ZFAND6: variants seen among roughly 807,000 people sequenced by gnomAD.
ZFAND6 encodes the protein zinc finger AN1-type containing 6, also known as AN1-type zinc finger protein 6.
Under a neutral mutation model 24.5 loss-of-function variants are expected in ZFAND6, and 12 were observed. The ratio of observed to expected loss-of-function variants is 0.49; its 90% CI spans 0.31 to 0.79. The LOEUF (loss-of-function observed/expected upper bound fraction) is 0.79. Ranked by LOEUF, ZFAND6 falls within the 30% of genes least tolerant of loss-of-function variation. The pLI is 0.04. For missense variants in ZFAND6, 207 were observed against 245.9 expected, an observed-to-expected ratio of 0.84 and a Z score of 1.06; for synonymous variants, 92 against 81.5, an observed-to-expected ratio of 1.13 and a Z score of -0.69.
intron 1 of ZFAND6, among the ~76,000 whole-genome samples, chr15:80,090,478 A>C (rs1211886451): frequency 6.6e-6 from 1 of 152,194 alleles, no homozygotes; most frequent in Non-Finnish European, 1.5e-5. Flanking sequence ...TGTGAAGATG[A>C]AAGGAGACAA....
At chr15:80,064,936 A>G (rs981102420) in intron 1 of ZFAND6, among the ~76,000 whole-genome samples, 3 of 150,768 alleles carry the variant, frequency 2.0e-5, no homozygotes, top group East Asian at 3.9e-4. Context: ...CTGGCATGCA[A>G]ATATTTTTCC....
At chr15:80,075,927 T>G (rs2037249531) in intron 1 of ZFAND6, among the ~76,000 whole-genome samples, 1 of 152,120 alleles carries the variant, frequency 6.6e-6, no homozygotes, top group African/African-American at 2.4e-5. Context: ...CTGCTACCAA[T>G]AGATTTTTGT....
At chr15:80,063,581 G>A (rs1452567345) in intron 1 of ZFAND6, among the ~76,000 whole-genome samples, 2 of 147,602 alleles carry the variant, frequency 1.4e-5, no homozygotes, top group African/African-American at 5.0e-5. Context: ...TTTTTGAGAC[G>A]GAATCTTACT....
intron 1 of ZFAND6, among the ~76,000 whole-genome samples, chr15:80,061,539 G>C (rs1263796933): frequency 6.6e-6 from 1 of 152,120 alleles, no homozygotes; most frequent in East Asian, 1.9e-4. Flanking sequence ...TCACTTCCTT[G>C]ACTTTTTGAA....
At chr15:80,071,640 T>C (rs1005121386) in intron 1 of ZFAND6, among the ~76,000 whole-genome samples, 2 of 151,940 alleles carry the variant, frequency 1.3e-5, no homozygotes, top group African/African-American at 4.8e-5. Context: ...GTAGTAAAAA[T>C]ATTATTTAAC....
At chr15:80,070,274 A>G (rs1596187462) in intron 1 of ZFAND6, among the ~76,000 whole-genome samples, 1 of 152,182 alleles carries the variant, frequency 6.6e-6, no homozygotes, top group South Asian at 2.1e-4. Context: ...AAGATTTGGG[A>G]AACTTTCTGG....
intron 1 of ZFAND6, among the ~76,000 whole-genome samples, chr15:80,080,642 A>T (rs962926614): frequency 3.9e-5 from 6 of 152,220 alleles, no homozygotes; most frequent in African/African-American, 1.4e-4. Context: ...TTCTTGCATT[A>T]CTATACAGAA....
intron 1 of ZFAND6, among the ~76,000 whole-genome samples, chr15:80,079,524 C>T (rs999586927): frequency 1.3e-5 from 2 of 151,688 alleles, no homozygotes; most frequent in Non-Finnish European, 2.9e-5. Context: ...CCGGCCTACT[C>T]TGTTCTTTCT....
Position 80,110,769 on chromosome 15 carries a change from A to C in ZFAND6, c.-17-9559A>C, listed in dbSNP as rs557306281. Among the ~76,000 whole-genome samples the C allele has an allele frequency of 2.6e-5, 4 of 152,278 alleles. No homozygotes were observed. The East Asian group carries it at 7.7e-4, about 29-fold the overall frequency. Reference sequence around the variant, plus strand: ...CATTTTAGTAAATGGTTTGGGGTTAATTAGATATCCATATGGAGAAAAGCA... The same window carrying C: ...CATTTTAGTAAATGGTTTGGGGTTACTTAGATATCCATATGGAGAAAAGCA... On this transcript the variant is annotated intron_variant, in intron 2 of 6. Coordinates refer to ENST00000261749, the MANE Select transcript of ZFAND6 (RefSeq NM_019006.4).
chr15:80,108,135 A>G (rs762906248), intron 2 of ZFAND6, among the ~76,000 whole-genome samples: 10 of 152,230 alleles, frequency 6.6e-5, no homozygotes, highest in South Asian at 2.1e-4. Flanking sequence ...AAAGTTCTAT[A>G]TAAGTATTGC....
intron 1 of ZFAND6, among the ~76,000 whole-genome samples, chr15:80,084,674 C>A (rs901251812): frequency 6.6e-6 from 1 of 152,212 alleles, no homozygotes; most frequent in Non-Finnish European, 1.5e-5. Flanking sequence ...TTTCTTGGAG[C>A]AAGTTCCTGA....
At chr15:80,096,846 G>T (rs2038752316) in intron 1 of ZFAND6, among the ~76,000 whole-genome samples, 1 of 152,128 alleles carries the variant, frequency 6.6e-6, no homozygotes, top group Non-Finnish European at 1.5e-5. Context: ...TGTTTTAATT[G>T]AAGTGTACAT....
rs753477601 is a variant in ZFAND6, at chr15:80,122,749, T to C, written c.313T>C (p.Leu105=). 99 of 1,613,650 alleles carry C rather than the reference T, an allele frequency of 6.1e-5. No homozygotes were observed. Among genetic ancestry groups the C allele is most frequent in the Non-Finnish European group, 7.7e-5 (91 of 1,179,840 alleles). The change falls in exon 5 of 7, where the codon TTG becomes CTG. Residue 105 remains leucine (L), a synonymous_variant. Transcript: ENST00000261749. ...LLSESVASSQ[L]DSTSVDKAVP... Reference sequence around the variant, plus strand: ...ATCAGAATCTGTAGCATCTTCTCAATTGGACAGTACATCTGTGGACAAAGC... The same window carrying C: ...ATCAGAATCTGTAGCATCTTCTCAACTGGACAGTACATCTGTGGACAAAGC...
In ZFAND6 at chr15:80,091,719, A is replaced by T. The variant is rs74638490; in HGVS notation, c.-180-6697A>T. ...CAGACGCACAATCATAGCTCACTGT[A>T]ACCTCAAACTCCAGGACTGAAGCAG... On this transcript the variant is annotated intron_variant, in intron 1 of 6. Coordinates refer to ENST00000261749, the MANE Select transcript of ZFAND6 (RefSeq NM_019006.4). 5.6e-3 allele frequency among the ~76,000 whole-genome samples: 857 copies of T among 152,194 alleles called. 9 individuals carry two copies. The highest frequency in any genetic ancestry group is 0.019 in the African/African-American group (808 of 41,526).
intron 2 of ZFAND6, chr15:80,111,552 G>C (rs1305011991): frequency 2.2e-6 from 1 of 455,766 alleles, no homozygotes; most frequent in Non-Finnish European, 4.4e-6. Context: ...CAATACAGTG[G>C]CCTCTTGGTG....
intron 3 of ZFAND6, 117 bp from the exon 4 acceptor site, chr15:80,121,595 T>C: frequency 3.0e-6 from 2 of 674,484 alleles, no homozygotes; most frequent in Non-Finnish European, 4.5e-6. Flanking sequence ...ACATACTACA[T>C]ATTAAAAGAA....
chr15:80,084,422 C>T (rs1338653661), intron 1 of ZFAND6, among the ~76,000 whole-genome samples: 1 of 152,210 alleles, frequency 6.6e-6, no homozygotes, highest in Non-Finnish European at 1.5e-5. Context: ...ATCTGAAACT[C>T]TTCTGGTCCC....
At chr15:80,078,858 C>T (rs2037449854) in intron 1 of ZFAND6, among the ~76,000 whole-genome samples, 3 of 147,988 alleles carry the variant, frequency 2.0e-5, no homozygotes, top group South Asian at 4.3e-4. Context: ...GTATTTATGT[C>T]TTCTTTTTTT....
rs185099918 is a variant in ZFAND6 at position 80,115,704 on chromosome 15, A to T, written c.-17-4624A>T. On this transcript the variant is annotated intron_variant, in intron 2 of 6. Coordinates refer to ENST00000261749, the MANE Select transcript of ZFAND6 (RefSeq NM_019006.4). ...ATAAGACTGATTCTTTTTTTTTTTT[A>T]AGAATCCTGTGAGAAACCCTTTGTG... Among the ~76,000 whole-genome samples, 919 of 149,470 alleles carry T rather than the reference A, an allele frequency of 6.1e-3. 13 individuals are homozygous for T. Among genetic ancestry groups the T allele is most frequent in the Middle Eastern group, 0.031 (9 of 294 alleles).
Sources: allele counts gnomAD v4.1 joint callset (sites outside exome capture counted in the v4.1 genomes callset), GRCh38; gene constraint gnomAD v4.1.1; transcripts MANE v1.5; gene names NCBI Gene and HGNC (gene_info 2026-07-23, HGNC 2026-07-21).